Variants in INTS6L observed in about 807,000 individuals in gnomAD.
INTS6L encodes the protein integrator complex subunit 6 like.
In INTS6L, 18 loss-of-function variants were observed where a neutral mutation model predicts 64.7. That is an observed-to-expected ratio of 0.28 (90% confidence interval 0.19 to 0.41). The LOEUF is 0.41. INTS6L is among the 10% of genes least tolerant of loss of function. The pLI is 1.00. For missense variants in INTS6L, 533 were observed against 661.0 expected (o/e 0.81, Z 2.12); for synonymous variants, 227 against 235.9 (o/e 0.96, Z 0.34).
rs138028756 is a variant in INTS6L, at chrX:135,565,396, A to G, written c.1193-3941A>G. On this transcript the variant is annotated intron_variant, in intron 9 of 17. Transcript: ENST00000639893. ...CAAGCATTCAGTTCTCCCTTTGCCT[A>G]AAACCTTCTGTGCTTAAGTTGCCAT... 4.7e-3 allele frequency among the ~76,000 whole-genome samples: 524 copies of G among 112,028 alleles called. 3 individuals are homozygous for G. Among genetic ancestry groups the G allele is most frequent in the African/African-American group, 0.015 (458 of 30,860 alleles).
chrX:135,553,363 T>C (rs189002368), intron 8 of INTS6L, among the ~76,000 whole-genome samples: 1 of 109,904 alleles, frequency 9.1e-6, no homozygotes, highest in Non-Finnish European at 1.9e-5. Context: ...AGTAACACAA[T>C]CTCAGCTCAC....
intron 9 of INTS6L, among the ~76,000 whole-genome samples, chrX:135,557,387 CT>C (rs1381515138): frequency 1.8e-5 from 2 of 111,360 alleles, no homozygotes; most frequent in Non-Finnish European, 3.8e-5. Flanking sequence ...TTTAAGTGCA[CT>C]TTTTTTGATC....
In INTS6L at chrX:135,569,365, G is replaced by C; in HGVS notation, c.1221G>C (p.Lys407Asn). The change falls in exon 10 of 18, where the codon AAG becomes AAC. Residue 407 changes from lysine (K) to asparagine (N), a missense_variant. Transcript: ENST00000639893. ...LDDLFKVHKL[K>N]PNLKWRQAFD... ...ACTTGTTTAAAGTTCACAAGCTTAA[G>C]CCAAATCTGAAGTGGCGACAGGCTT... is the stretch of plus-strand genomic sequence containing the variant. The C allele has an allele frequency of 8.4e-7, 1 of 1,187,131 alleles. No homozygotes were observed. Among genetic ancestry groups the C allele is most frequent in the Non-Finnish European group, 1.1e-6 (1 of 883,926 alleles).
chrX:135,522,513 A>C (rs1447958000), intron 2 of INTS6L, among the ~76,000 whole-genome samples: 1 of 112,204 alleles, frequency 8.9e-6, no homozygotes, highest in Non-Finnish European at 1.9e-5. Context: ...TCCTGCTTGC[A>C]TATTGAAATT....
intron 2 of INTS6L, among the ~76,000 whole-genome samples, chrX:135,542,007 A>G (rs1255892684): frequency 9.0e-6 from 1 of 111,559 alleles, no homozygotes; most frequent in African/African-American, 3.3e-5. Flanking sequence ...AGCAATGGAC[A>G]TAGGGACATT....
chrX:135,536,981 C>T (rs369204879), intron 2 of INTS6L, among the ~76,000 whole-genome samples: 13 of 111,938 alleles, frequency 1.2e-4, no homozygotes, highest in African/African-American at 3.9e-4. Context: ...GGAACCTACC[C>T]CTTTAGCACC....
chrX:135,579,640 C>T (rs1331553871), intron 15 of INTS6L, 148 bp from the exon 16 acceptor site: 1 of 782,678 alleles, frequency 1.3e-6, no homozygotes, highest in African/African-American at 2.1e-5. Flanking sequence ...TGTGTCCTGG[C>T]CTCAATTTGA....
At chrX:135,560,259 T>C (rs2086752023) in intron 9 of INTS6L, among the ~76,000 whole-genome samples, 1 of 112,365 alleles carries the variant, frequency 8.9e-6, no homozygotes, top group Non-Finnish European at 1.9e-5. Context: ...TATGTTAATA[T>C]TGTATCCTGC....
At chrX:135,560,933 CT>C (rs1287007855) in intron 9 of INTS6L, among the ~76,000 whole-genome samples, 2 of 92,604 alleles carry the variant, frequency 2.2e-5, no homozygotes, top group African/African-American at 3.7e-5. Flanking sequence ...CTCAAATGCT[CT>C]TTCTTTTTTT....
At chrX:135,580,273 T>G in intron 16 of INTS6L, 111 bp downstream of exon 16, 1 of 927,843 alleles carries the variant, frequency 1.1e-6, no homozygotes, top group East Asian at 3.2e-5. Flanking sequence ...AATATTGGGC[T>G]TTCACATAGT....
At position 135,570,777 on chromosome X, in the gene INTS6L, C is replaced by T. The variant is rs2087070636; in HGVS notation, c.1398+231C>T. ...TTTCTCCTTTTGCCTGCCAGTTTGT[C>T]CTACCCGCAAGCTGGTTGATATGGG... On this transcript the variant is annotated intron_variant, in intron 11 of 17. Transcript: ENST00000639893. The T allele has an allele frequency of 1.2e-5, 4 of 346,944 alleles. No homozygotes were observed. In the South Asian group the frequency reaches 1.6e-4, roughly 14 times the overall value. The allele number at this position is 346,944 out of a possible 1,213,427, so 28.6% of individuals were successfully genotyped here.
chrX:135,575,180 C>G lies in INTS6L; in HGVS notation c.1838C>G (p.Pro613Arg). 8.3e-7 allele frequency: 1 copy of G among 1,210,942 alleles called. No homozygotes were observed. The highest frequency in any genetic ancestry group is 1.8e-5 in the South Asian group (1 of 56,778). The change falls in exon 14 of 18, where the codon CCC becomes CGC. Residue 613 changes from proline (P) to arginine (R), a missense_variant. Coordinates refer to ENST00000639893, the MANE Select transcript of INTS6L (RefSeq NM_001351601.3). The part of the protein sequence containing the change: ...SPLREIDPDQ[P>R]KRLHTFGNPF... ...CTGCGAGAGATTGATCCAGACCAAC[C>G]CAAAAGACTGCATACTTTTGGCAAT...
chrX:135,551,239 T>G (rs1268373307), intron 7 of INTS6L, among the ~76,000 whole-genome samples: 3 of 112,359 alleles, frequency 2.7e-5, no homozygotes, highest in Non-Finnish European at 5.6e-5. Context: ...TTGTCCTGTG[T>G]CCCTCTCTCT....
chrX:135,553,811 C>T (rs1556517994), intron 8 of INTS6L, among the ~76,000 whole-genome samples: 2 of 111,583 alleles, frequency 1.8e-5, no homozygotes, highest in African/African-American at 6.5e-5. Flanking sequence ...ATAATGAAAG[C>T]AAATAAAATT....
chrX:135,566,189 T>C (rs1556524770), intron 9 of INTS6L, among the ~76,000 whole-genome samples: 1 of 112,110 alleles, frequency 8.9e-6, no homozygotes, highest in African/African-American at 3.2e-5. Context: ...TGCCTCAGTT[T>C]CCTCATTAGT....
chrX:135,555,899 G>A (rs782308329), intron 8 of INTS6L, among the ~76,000 whole-genome samples: 1 of 111,400 alleles, frequency 9.0e-6, no homozygotes, highest in South Asian at 3.8e-4. Context: ...TTGTCTCCCA[G>A]GCTGGTCTCA....
chrX:135,536,715 A>G (rs1249575478), intron 2 of INTS6L, among the ~76,000 whole-genome samples: 1 of 111,790 alleles, frequency 8.9e-6, no homozygotes, highest in Non-Finnish European at 1.9e-5. Context: ...TGGCCTGGCT[A>G]AAATGGGATG....
intron 6 of INTS6L, 77 bp downstream of exon 6, chrX:135,547,342 C>A: frequency 9.6e-7 from 1 of 1,041,036 alleles, no homozygotes; most frequent in Non-Finnish European, 1.3e-6. Flanking sequence ...ACTATAGACA[C>A]AGTCTTCACT....
In INTS6L at chrX:135,552,172, ATGTC is replaced by A. The variant is rs782040015; in HGVS notation, c.1059+30_1059+33del. On this transcript the variant is annotated intron_variant, in intron 8 of 17. Transcript: ENST00000639893. The stretch of plus-strand genomic sequence containing the variant: ...GTACTTATCCTTACCTATTAGCTAA[ATGTC>A]TGTAACCACTCTAGGATCTGGGAAT... 1.1e-5 allele frequency: 13 copies of A among 1,135,959 alleles called. No homozygotes were observed. In the African/African-American group the frequency reaches 2.4e-4, roughly 21 times the overall value. The allele number at this position is 1,135,959 out of a possible 1,213,427, so 93.6% of individuals were successfully genotyped here.
Sources: allele counts gnomAD v4.1 joint callset (sites outside exome capture counted in the v4.1 genomes callset), GRCh38; gene constraint gnomAD v4.1.1; transcripts MANE v1.5; gene names NCBI Gene and HGNC (gene_info 2026-07-23, HGNC 2026-07-21).